The following TENM2 variants were observed in gnomAD, a reference collection of about 807,000 sequenced individuals.
TENM2 encodes the protein teneurin-2.
Under a neutral mutation model 245.2 loss-of-function variants are expected in TENM2, and 52 were observed. The ratio of observed to expected loss-of-function variants is 0.21; its 90% confidence interval spans 0.17 to 0.27. TENM2 has a LOEUF of 0.27. Ranked by LOEUF, TENM2 falls within the 10% of genes least tolerant of loss-of-function variation. The pLI is 1.00. For missense variants in TENM2, 3,046 were observed against 3,666.8 expected (o/e 0.83, Z 4.37); for synonymous variants, 1,363 against 1,438.9 (o/e 0.95, Z 1.19).
At chr5:168,119,163 G>T (rs1795298097) in intron 10 of TENM2, among the ~76,000 whole-genome samples, 3 of 152,230 alleles carry the variant, frequency 2.0e-5, no homozygotes, top group Admixed American at 2.0e-4. Flanking sequence ...AAAACTAGAG[G>T]AGAGTGAGGA....
At chr5:168,056,353 T>A (rs114876253) in intron 6 of TENM2, among the ~76,000 whole-genome samples, 1 of 152,248 alleles carries the variant, frequency 6.6e-6, no homozygotes, top group Non-Finnish European at 1.5e-5. Flanking sequence ...ACAAAAGTTA[T>A]ACACACTCAT....
intron 1 of TENM2, among the ~76,000 whole-genome samples, chr5:167,365,044 T>C (rs985651028): frequency 2.0e-5 from 3 of 152,038 alleles, no homozygotes; most frequent in African/African-American, 7.2e-5. Flanking sequence ...ATATTCTATA[T>C]GTTGTGCTAT....
At chr5:167,546,162 A>G (rs1772547169) in intron 2 of TENM2, among the ~76,000 whole-genome samples, 1 of 152,164 alleles carries the variant, frequency 6.6e-6, no homozygotes. Context: ...TGAACTCATT[A>G]TTCTTCCTCC....
In TENM2 at chr5:167,958,579, G is replaced by T. The variant is rs193234462; in HGVS notation, c.947+5757G>T. Among the ~76,000 whole-genome samples the T allele has an allele frequency of 4.9e-4, 74 of 152,284 alleles. No individual in the cohort carries two copies. In the East Asian group the frequency reaches 0.012, roughly 25 times the overall value. ...ATGTAGTTTCTTCATGGTGTTGATG[G>T]TCTTTACAATTTGGTATGTTTTTGC... On this transcript the variant is annotated intron_variant, in intron 4 of 28. Transcript: ENST00000518659.
At chr5:168,198,071 C>T (rs1270275817) in intron 15 of TENM2, among the ~76,000 whole-genome samples, 23 of 151,888 alleles carry the variant, frequency 1.5e-4, no homozygotes, top group Admixed American at 1.5e-3. Context: ...AGAGAGTAAA[C>T]AGTTTAGGCT....
chr5:167,290,609 G>A (rs780698524), intron 1 of TENM2, among the ~76,000 whole-genome samples: 8 of 152,026 alleles, frequency 5.3e-5, no homozygotes, highest in Non-Finnish European at 1.2e-4. Flanking sequence ...TTCATAGAGT[G>A]TGTCTGACTC....
At chr5:167,952,775 G>T in exon 4 of TENM2, 1 of 1,575,398 alleles carries the variant, frequency 6.3e-7, no homozygotes, top group Non-Finnish European at 8.6e-7. Flanking sequence ...AGTCCGTTCA[G>T]CTTCAGGACA....
At chr5:167,505,505 A>C (rs549332177) in intron 2 of TENM2, among the ~76,000 whole-genome samples, 1 of 152,266 alleles carries the variant, frequency 6.6e-6, no homozygotes, top group African/African-American at 2.4e-5. Flanking sequence ...TGTCCACTGA[A>C]CTGTAGTTAT....
the TENM2 span, among the ~76,000 whole-genome samples, chr5:167,031,363 A>G: frequency 6.6e-6 from 1 of 152,172 alleles, no homozygotes; most frequent in African/African-American, 2.4e-5. Flanking sequence ...ATTTTTAAGA[A>G]ATGGCCTCCC....
chr5:167,501,507 A>T (rs28685712), intron 2 of TENM2, among the ~76,000 whole-genome samples: 2 of 152,124 alleles, frequency 1.3e-5, no homozygotes, highest in Non-Finnish European at 2.9e-5. Context: ...TGCATTCACA[A>T]TGTTGCCTCA....
chr5:168,199,075 T>C, exon 16 of TENM2: 1 of 1,613,892 alleles, frequency 6.2e-7, no homozygotes, highest in Non-Finnish European at 8.5e-7. Flanking sequence ...CCTTCTTTAG[T>C]GCTGCCCCTG....
intron 3 of TENM2, among the ~76,000 whole-genome samples, chr5:167,920,515 TCACACACACACA>T (rs58866696): frequency 2.4e-4 from 31 of 129,522 alleles, no homozygotes; most frequent in South Asian, 1.2e-3. Flanking sequence ...CGAAACTCCA[TCACACACACACA>T]CACACACACA....
chr5:167,346,430 T>G (rs1488855927), intron 1 of TENM2, among the ~76,000 whole-genome samples: 1 of 152,236 alleles, frequency 6.6e-6, no homozygotes, highest in African/African-American at 2.4e-5. Flanking sequence ...AATAAACATA[T>G]GATTTATCCA....
intron 2 of TENM2, among the ~76,000 whole-genome samples, chr5:167,789,028 G>A (rs765779503): frequency 3.3e-4 from 50 of 152,090 alleles, no homozygotes; most frequent in Non-Finnish European, 6.3e-4. Context: ...TGTGATCTAC[G>A]AATCTACGGG....
intron 5 of TENM2, among the ~76,000 whole-genome samples, chr5:168,004,517 G>GCGCGCACACACACACACACA (rs898616203): frequency 7.6e-6 from 1 of 132,152 alleles, no homozygotes; most frequent in African/African-American, 3.0e-5. Flanking sequence ...GCGCGCGCGC[G>GCGCGCACACACACACACACA]CACACACACA....
chr5:167,798,859 T>C (rs1765502933), intron 2 of TENM2, among the ~76,000 whole-genome samples: 3 of 152,162 alleles, frequency 2.0e-5, no homozygotes, highest in Admixed American at 2.0e-4. Context: ...ATCTTTACAG[T>C]CAGAAAAGGA....
At chr5:167,032,738 T>G in the TENM2 span, among the ~76,000 whole-genome samples, 1 of 152,320 alleles carries the variant, frequency 6.6e-6, no homozygotes, top group Non-Finnish European at 1.5e-5. Context: ...TCCAACTACA[T>G]TGAAAATGTG....
At chr5:166,983,152 T>C in the TENM2 span, among the ~76,000 whole-genome samples, 2 of 152,102 alleles carry the variant, frequency 1.3e-5, no homozygotes, top group African/African-American at 2.4e-5. Context: ...GAGGATAATA[T>C]ATCAGGTCCT....
chr5:168,035,732 A>T (rs1787606680), intron 5 of TENM2, among the ~76,000 whole-genome samples: 1 of 152,112 alleles, frequency 6.6e-6, no homozygotes, highest in South Asian at 2.1e-4. Flanking sequence ...AGGAGAAGAG[A>T]AGTGCCTCTG....
Sources: allele counts gnomAD v4.1 joint callset (sites outside exome capture counted in the v4.1 genomes callset), GRCh38; gene constraint gnomAD v4.1.1; transcripts MANE v1.5; gene names NCBI Gene and HGNC (gene_info 2026-07-23, HGNC 2026-07-21).